EPC1: variants seen among roughly 807,000 people sequenced by gnomAD.
EPC1 encodes enhancer of polycomb homolog 1.
EPC1 carries 12 observed loss-of-function variants against 98.4 expected under a neutral mutation model. The observed-to-expected ratio is 0.12, with a 90% CI of 0.08 to 0.20. The LOEUF (loss-of-function observed/expected upper bound fraction) is 0.20, where lower values mean the gene tolerates loss of function less well. Among genes scored for constraint, EPC1 ranks in the 10% least tolerant of loss-of-function variants. The probability of loss-of-function intolerance (pLI) is 1.00; values close to 1 mark genes in which losing one functional copy is unlikely to be tolerated. For missense variants in EPC1, 729 were observed against 990.5 expected, an observed-to-expected ratio of 0.74 and a Z score of 3.54; for synonymous variants, 357 against 363.9, an observed-to-expected ratio of 0.98 and a Z score of 0.21.
chr10:32,271,850 C>T lies in EPC1; in HGVS notation c.2073G>A (p.Thr691=), dbSNP rs145765564. The T allele has an allele frequency of 2.8e-4, 456 of 1,614,020 alleles. 2 individuals carry two copies. The African/African-American group carries it at 5.3e-3, about 19-fold the overall frequency. ...PTALVHTSPS[T]AGSALLQPSN... The stretch of plus-strand genomic sequence containing the variant: ...AAGGCTGTAACAAAGCTGAACCTGC[C>T]GTTGATGGACTTGTATGTACAAGTG... Residue 691 remains threonine, a synonymous_variant, in exon 13 of 14, where the codon ACG becomes ACA. Transcript: ENST00000319778.
chr10:32,328,690 T>A (rs1837452713), intron 1 of EPC1, among the ~76,000 whole-genome samples: 1 of 152,170 alleles, frequency 6.6e-6, no homozygotes, highest in Non-Finnish European at 1.5e-5. Context: ...ACCAGCACAC[T>A]CTCCATATCT....
At chr10:32,347,566 GC>G (rs1198662529), upstream of EPC1, 1 of 152,054 alleles carries the variant, frequency 6.6e-6, no homozygotes, top group Non-Finnish European at 1.5e-5. Flanking sequence ...GGCACCTGGG[GC>G]TCGGAGGGCT....
intron 1 of EPC1, among the ~76,000 whole-genome samples, chr10:32,341,551 A>G (rs1017788633): frequency 1.3e-5 from 2 of 152,216 alleles, no homozygotes; most frequent in African/African-American, 4.8e-5. Flanking sequence ...AGTCCTATTA[A>G]CAGAAAAAAA....
intron 2 of EPC1, among the ~76,000 whole-genome samples, chr10:32,298,637 A>G (rs1304379009): frequency 1.3e-5 from 2 of 152,250 alleles, no homozygotes; most frequent in African/African-American, 4.8e-5. Context: ...ATCGCTGACT[A>G]GCCAGATCAT....
intron 2 of EPC1, among the ~76,000 whole-genome samples, chr10:32,295,992 C>T (rs962400376): frequency 4.0e-5 from 6 of 151,590 alleles, no homozygotes; most frequent in Middle Eastern, 3.4e-3. Context: ...GGGGCGATCT[C>T]GGCTTACTGC....
chr10:32,292,955 T>C (rs1192642501), intron 4 of EPC1, 33 bp downstream of exon 4: 3 of 1,365,796 alleles, frequency 2.2e-6, no homozygotes. Flanking sequence ...TTTTATTATA[T>C]AATTATCAAA....
At chr10:32,344,123 C>T (rs1436516950) in intron 1 of EPC1, among the ~76,000 whole-genome samples, 1 of 152,130 alleles carries the variant, frequency 6.6e-6, no homozygotes, top group African/African-American at 2.4e-5. Context: ...AAAATACTTC[C>T]GCACATCAAA....
intron 2 of EPC1, among the ~76,000 whole-genome samples, chr10:32,300,248 AT>A (rs951412838): frequency 2.0e-5 from 3 of 150,608 alleles, no homozygotes; most frequent in Non-Finnish European, 3.0e-5. Context: ...TTTTTTTTAA[AT>A]TTTTTTTTAT....
At chr10:32,331,292 C>A (rs547074712) in intron 1 of EPC1, among the ~76,000 whole-genome samples, 15 of 150,266 alleles carry the variant, frequency 1.0e-4, no homozygotes, top group Non-Finnish European at 2.1e-4. Flanking sequence ...GCAGAGGTTG[C>A]AGTGAGCCAA....
intron 1 of EPC1, among the ~76,000 whole-genome samples, chr10:32,352,602 C>T (rs1003123567): frequency 6.6e-6 from 1 of 152,164 alleles, no homozygotes; most frequent in African/African-American, 2.4e-5. Flanking sequence ...TAATCTGAAG[C>T]ATCGGTGAGC....
At position 32,286,851 on chromosome 10, in the gene EPC1, A is replaced by C; in HGVS notation, c.1243-9T>G. 1 of 1,606,636 alleles carries C rather than the reference A, an allele frequency of 6.2e-7. No individual in the cohort carries two copies. The highest frequency in any genetic ancestry group is 8.5e-7 in the Non-Finnish European group (1 of 1,178,062). ...GTTTGGTCTAAGTGAGGCTTAAAAA[A>C]AAAAATCCAAATTATTTAATTTTGT... On this transcript the variant is annotated splice_polypyrimidine_tract_variant and intron_variant, in intron 8 of 13. Coordinates refer to ENST00000319778, the MANE Select transcript of EPC1 (RefSeq NM_001272004.3).
intron 1 of EPC1, among the ~76,000 whole-genome samples, chr10:32,321,643 T>C (rs1836926943): frequency 6.9e-6 from 1 of 145,184 alleles, no homozygotes; most frequent in Non-Finnish European, 1.5e-5. Context: ...TAATATTAAG[T>C]AAAAAAAAAA....
At chr10:32,275,634 G>C (rs2132651940) in intron 10 of EPC1, among the ~76,000 whole-genome samples, 1 of 152,134 alleles carries the variant, frequency 6.6e-6, no homozygotes, top group East Asian at 1.9e-4. Context: ...AATTAGCCGG[G>C]CGTGGTGGCA....
At chr10:32,310,974 G>A (rs954275472) in intron 1 of EPC1, among the ~76,000 whole-genome samples, 14 of 152,204 alleles carry the variant, frequency 9.2e-5, no homozygotes, top group Admixed American at 8.5e-4. Flanking sequence ...CATGATATAT[G>A]CAACATACTT....
At chr10:32,297,829 G>A (rs898059629) in intron 2 of EPC1, among the ~76,000 whole-genome samples, 24 of 151,590 alleles carry the variant, frequency 1.6e-4, no homozygotes, top group African/African-American at 4.1e-4. Context: ...ACAGAGTCTC[G>A]CTCTGTCGCC....
chr10:32,283,362 C>G (rs959721367), intron 10 of EPC1: 1 of 152,054 alleles, frequency 6.6e-6, no homozygotes, highest in Non-Finnish European at 1.5e-5. Flanking sequence ...TGCTGTGAAG[C>G]CTGGAATGCA....
intron 9 of EPC1, chr10:32,286,192 C>G (rs1382602840): frequency 6.5e-6 from 1 of 152,690 alleles, no homozygotes; most frequent in African/African-American, 2.4e-5. Flanking sequence ...ACAAGCAACT[C>G]GCATAAAGGC....
intron 1 of EPC1, among the ~76,000 whole-genome samples, chr10:32,318,274 C>CGA (rs1359621274): frequency 6.6e-6 from 1 of 152,074 alleles, no homozygotes; most frequent in Non-Finnish European, 1.5e-5. Context: ...AAAACAGCCC[C>CGA]GAGAGCAGTA....
rs747872577 is a variant in EPC1, at chr10:32,333,904, T to C, written c.153+12859A>G. Among the ~76,000 whole-genome samples the C allele has an allele frequency of 1.5e-4, 23 of 152,318 alleles. No individual in the cohort carries two copies. The Middle Eastern group carries it at 0.01, about 68-fold the overall frequency. On this transcript the variant is annotated intron_variant, in intron 1 of 13. Coordinates refer to ENST00000319778, the MANE Select transcript of EPC1 (RefSeq NM_001272004.3). ...AGATGCACAAAGTTTTAAAAAATAC[T>C]TACATATGGTGAAACACTGCCAGCT...
Sources: gnomAD v4.1 joint callset for allele counts (sites outside exome capture counted in the v4.1 genomes callset) on GRCh38, gnomAD v4.1.1 for gene constraint, MANE v1.5 for transcripts, NCBI Gene and HGNC (gene_info 2026-07-23, HGNC 2026-07-21) for gene names.